KLHL14: variants seen among roughly 807,000 people sequenced by gnomAD.
The protein encoded by KLHL14 is kelch-like protein 14.
Under a neutral mutation model 64.3 loss-of-function variants are expected in KLHL14, and 22 were observed. The observed-to-expected ratio is 0.34, with a 90% CI of 0.24 to 0.49. KLHL14 has a LOEUF of 0.49. Ranked by LOEUF, KLHL14 falls within the 20% of genes least tolerant of loss-of-function variation. The pLI, the probability that KLHL14 is intolerant of heterozygous loss-of-function variation, is 0.99. For synonymous variants in KLHL14, 322 were observed against 333.4 expected (o/e 0.97, Z 0.37); for missense variants, 661 against 789.0 (o/e 0.84, Z 1.94).
In KLHL14 at chr18:32,683,969, G is replaced by A. The variant is rs1465105052; in HGVS notation, c.1238+3186C>T. On this transcript the variant is annotated intron_variant, in intron 5 of 8. Transcript: ENST00000359358. The surrounding 1 kb of genome is among the most constrained non-coding windows in gnomAD (Gnocchi z 4.2). ...TGCATTTTTGACATATTAAGTTCTT[G>A]TCTTTTATTTACTCTGTGAAATAGA... Among the ~76,000 whole-genome samples, 22 of 152,176 alleles carry A rather than the reference G, an allele frequency of 1.4e-4. No individual in the cohort carries two copies. Among genetic ancestry groups the A allele is most frequent in the Admixed American group, 1.2e-3 (18 of 15,280 alleles).
At chr18:32,767,198 T>G (rs1470567898) in intron 2 of KLHL14, among the ~76,000 whole-genome samples, 1 of 152,222 alleles carries the variant, frequency 6.6e-6, no homozygotes, top group Non-Finnish European at 1.5e-5. Context: ...GGGAACATTT[T>G]TATATTACAC....
At chr18:32,760,335 G>GACACACAC (rs1160405087) in intron 2 of KLHL14, among the ~76,000 whole-genome samples, 1 of 81,460 alleles carries the variant, frequency 1.2e-5, no homozygotes, top group African/African-American at 5.6e-5. Context: ...TGTACACACA[G>GACACACAC]ACATACACAC....
intron 3 of KLHL14, among the ~76,000 whole-genome samples, chr18:32,701,057 G>A (rs2144490802): frequency 6.6e-6 from 1 of 152,294 alleles, no homozygotes; most frequent in South Asian, 2.1e-4. Flanking sequence ...GAAGGACATG[G>A]TCAGAAGATA....
At chr18:32,691,144 C>A (rs1009661220) in intron 4 of KLHL14, among the ~76,000 whole-genome samples, 2 of 152,126 alleles carry the variant, frequency 1.3e-5, no homozygotes, top group African/African-American at 4.8e-5. Context: ...TAGAACCTAC[C>A]CACCATATAT....
chr18:32,689,987 T>C (rs1217021088), intron 4 of KLHL14, among the ~76,000 whole-genome samples: 1 of 152,132 alleles, frequency 6.6e-6, no homozygotes, highest in Non-Finnish European at 1.5e-5. Flanking sequence ...CCAGCTTGGC[T>C]GTGTGGTTTT....
At chr18:32,742,125 A>G (rs2050202471) in intron 2 of KLHL14, 76 bp from the exon 3 acceptor site, 2 of 1,451,910 alleles carry the variant, frequency 1.4e-6, no homozygotes, top group Admixed American at 4.4e-5. Flanking sequence ...AATCATAACC[A>G]TCAAAGAATG....
At chr18:32,686,520 C>G (rs544819907) in intron 5 of KLHL14, among the ~76,000 whole-genome samples, 22 of 151,854 alleles carry the variant, frequency 1.4e-4, no homozygotes, top group Admixed American at 8.5e-4. Flanking sequence ...GAGACTTGGT[C>G]GAGATAACTA....
At chr18:32,765,115 T>C (rs2050334375) in intron 2 of KLHL14, among the ~76,000 whole-genome samples, 2 of 152,182 alleles carry the variant, frequency 1.3e-5, no homozygotes, top group Non-Finnish European at 2.9e-5. Context: ...TGTGCATCAG[T>C]TTTTTATCTA....
At chr18:32,727,093 G>A (rs573161139) in intron 3 of KLHL14, among the ~76,000 whole-genome samples, 3 of 152,302 alleles carry the variant, frequency 2.0e-5, no homozygotes, top group South Asian at 2.1e-4. Flanking sequence ...TATGCAGCCC[G>A]CAATAGAATC....
intron 2 of KLHL14, among the ~76,000 whole-genome samples, chr18:32,764,399 A>G (rs1353277878): frequency 6.6e-6 from 1 of 152,164 alleles, no homozygotes; most frequent in Non-Finnish European, 1.5e-5. Flanking sequence ...TTAGCACGGT[A>G]GAATTATTTA....
intron 7 of KLHL14, among the ~76,000 whole-genome samples, chr18:32,678,941 AG>A (rs1421300211): frequency 6.6e-6 from 1 of 152,216 alleles, no homozygotes; most frequent in Non-Finnish European, 1.5e-5. Flanking sequence ...CTTGTGCAAA[AG>A]AAATGCAAAG....
intron 7 of KLHL14, among the ~76,000 whole-genome samples, chr18:32,678,802 T>C (rs573459446): frequency 6.6e-6 from 1 of 152,292 alleles, no homozygotes; most frequent in East Asian, 1.9e-4. Flanking sequence ...CTCCTCACCA[T>C]GATGCCTCCT....
chr18:32,715,506 A>G (rs896849684), intron 3 of KLHL14, among the ~76,000 whole-genome samples: 2 of 138,408 alleles, frequency 1.4e-5, no homozygotes, highest in African/African-American at 5.5e-5. Context: ...TTACCGACGG[A>G]TGATTTTTTT....
rs376846504 is a variant in KLHL14, at chr18:32,768,852, GAGCAGGC to G, written c.947+786_947+792del. ...ACTCTCCAACTTCTTTGTCACTGGT[GAGCAGGC>G]ACACAGACCAACTGGAGCTAGAAGC... On this transcript the variant is annotated intron_variant, in intron 2 of 8. Transcript: ENST00000359358. Among the ~76,000 whole-genome samples the G allele has an allele frequency of 4.5e-3, 679 of 152,304 alleles. 8 individuals are homozygous for G. The highest frequency in any genetic ancestry group is 0.016 in the African/African-American group (652 of 41,564).
Position 32,677,268 on chromosome 18 carries a change from T to C in KLHL14, c.1651A>G (p.Ile551Val). The stretch of plus-strand genomic sequence containing the variant: ...CCCTCCAAAATGGGAGTTTGGAGTA[T>C]ATTCCACTGGTCACCTTTTGGGTCA... ...CYDPKGDQWNILQTPILEGRS... is the reference protein window; with the variant it reads ...CYDPKGDQWNVLQTPILEGRS... The change falls in exon 8 of 9, where the codon ATA (isoleucine) becomes GTA (valine). Residue 551 changes from isoleucine (I) to valine (V), a missense_variant. Transcript: ENST00000359358. 2.5e-6 allele frequency: 4 copies of C among 1,613,676 alleles called. No individual in the cohort carries two copies. The highest frequency in any genetic ancestry group is 3.4e-6 in the Non-Finnish European group (4 of 1,179,698).
intron 7 of KLHL14, among the ~76,000 whole-genome samples, chr18:32,679,009 G>A (rs2049824726): frequency 6.6e-6 from 1 of 152,136 alleles, no homozygotes; most frequent in Admixed American, 6.6e-5. Flanking sequence ...TCGACGTAAA[G>A]GAATGGTGTG....
chr18:32,744,057 G>T (rs1032288837), intron 2 of KLHL14: 1 of 152,238 alleles, frequency 6.6e-6, no homozygotes, highest in Non-Finnish European at 1.5e-5. Context: ...CCAGACTGCA[G>T]TTGGGGGTAG....
chr18:32,741,953 T>C lies in KLHL14; in HGVS notation c.1044A>G (p.Glu348=). The part of the protein sequence containing the change: ...PSNLVQYYDD[E]KKTWKILTIM... Reference sequence around the variant, plus strand: ...TTGTGAGTATTTTCCATGTCTTCTTTTCATCGTCGTAATACTGAACCAAAT... The same window carrying C: ...TTGTGAGTATTTTCCATGTCTTCTTCTCATCGTCGTAATACTGAACCAAAT... Residue 348 remains glutamate (E), a synonymous_variant, in exon 3 of 9, where the codon GAA becomes GAG. Transcript: ENST00000359358. 1 of 1,608,468 alleles carries C rather than the reference T, an allele frequency of 6.2e-7. No homozygotes were observed. The highest frequency in any genetic ancestry group is 1.1e-5 in the South Asian group (1 of 89,268).
At chr18:32,756,754 C>G (rs1523588) in intron 2 of KLHL14, among the ~76,000 whole-genome samples, 147,010 of 152,318 alleles carry the variant, frequency 0.97, 71,188 homozygotes, top group East Asian at 1. Context: ...TTGAATACAA[C>G]AATGCCAATT....
Sources: gnomAD v4.1 joint callset for allele counts (sites outside exome capture counted in the v4.1 genomes callset) on GRCh38, gnomAD v4.1.1 for gene constraint, Gnocchi (gnomAD v3.1) non-coding constraint, MANE v1.5 for transcripts, NCBI Gene and HGNC (gene_info 2026-07-23, HGNC 2026-07-21) for gene names.